Variants in GLRB observed in about 807,000 individuals in gnomAD.
GLRB encodes glycine receptor subunit beta.
GLRB carries 33 observed loss-of-function variants against 54.2 expected under a neutral mutation model. That is an observed-to-expected ratio of 0.61 (90% CI 0.46 to 0.81). The LOEUF (loss-of-function observed/expected upper bound fraction) is 0.81. Ranked by LOEUF, GLRB falls within the 40% of genes least tolerant of loss-of-function variation. The pLI is 0.00. For synonymous variants in GLRB, 209 were observed against 208.2 expected (o/e 1.00, Z -0.03); for missense variants, 572 against 584.6 (o/e 0.98, Z 0.22).
chr4:157,112,975 G>T (rs1735476050), intron 2 of GLRB, among the ~76,000 whole-genome samples: 1 of 151,854 alleles, frequency 6.6e-6, no homozygotes, highest in Non-Finnish European at 1.5e-5. Flanking sequence ...TTGGTTTAAA[G>T]GTGAGTATAC....
intron 7 of GLRB, among the ~76,000 whole-genome samples, chr4:157,140,560 C>A (rs1300256316): frequency 2.6e-5 from 4 of 151,816 alleles, no homozygotes; most frequent in African/African-American, 4.8e-5. Context: ...TAGTTCTTTG[C>A]AGGAATTATT....
chr4:157,097,562 T>C (rs1734858145), intron 2 of GLRB, among the ~76,000 whole-genome samples: 1 of 152,238 alleles, frequency 6.6e-6, no homozygotes, highest in Admixed American at 6.5e-5. Context: ...ATGGGCTATG[T>C]ATTAGGGCAC....
At chr4:157,151,118 G>A (rs1230412785) in intron 8 of GLRB, among the ~76,000 whole-genome samples, 1 of 151,956 alleles carries the variant, frequency 6.6e-6, no homozygotes, top group African/African-American at 2.4e-5. Flanking sequence ...ATACAGCTAA[G>A]CTTACTAAAA....
intron 2 of GLRB, among the ~76,000 whole-genome samples, chr4:157,096,244 T>C (rs1325835724): frequency 1.3e-5 from 2 of 152,230 alleles, no homozygotes; most frequent in Non-Finnish European, 2.9e-5. Flanking sequence ...GATATCATTT[T>C]TAAATCAAGC....
intron 2 of GLRB, among the ~76,000 whole-genome samples, chr4:157,100,926 C>A (rs1041144663): frequency 1.3e-5 from 2 of 152,098 alleles, no homozygotes; most frequent in Non-Finnish European, 2.9e-5. Context: ...TCCATGAGGT[C>A]AACTGTTTTT....
intron 9 of GLRB, 65 bp downstream of exon 9, chr4:157,153,075 A>G (rs188903901): frequency 4.5e-6 from 6 of 1,339,546 alleles, no homozygotes; most frequent in Non-Finnish European, 6.4e-6. Flanking sequence ...AGAGAGAGAC[A>G]CCTTTGTGTA....
chr4:157,144,064 C>G, intron 8 of GLRB, 105 bp downstream of exon 8: 1 of 1,192,614 alleles, frequency 8.4e-7, no homozygotes, highest in Admixed American at 1.7e-5. Context: ...GAATTGTTAG[C>G]CACCAATTTC....
intron 2 of GLRB, among the ~76,000 whole-genome samples, chr4:157,107,155 T>C (rs543309786): frequency 6.6e-6 from 1 of 151,932 alleles, no homozygotes; most frequent in East Asian, 2.0e-4. Flanking sequence ...CAACTGGGAG[T>C]CTGTCTTTTC....
intron 7 of GLRB, among the ~76,000 whole-genome samples, chr4:157,142,126 CT>C (rs1206172314): frequency 6.6e-6 from 1 of 152,012 alleles, no homozygotes; most frequent in African/African-American, 2.4e-5. Context: ...AGCAATTGTA[CT>C]TATGAAAGAT....
chr4:157,088,884 C>T (rs1033102418), intron 2 of GLRB, among the ~76,000 whole-genome samples: 3 of 152,110 alleles, frequency 2.0e-5, no homozygotes, highest in Non-Finnish European at 4.4e-5. Flanking sequence ...ATTTTATTAA[C>T]TGTGGTTTTC....
rs576181698 is a variant in GLRB, at chr4:157,116,411, A to G, written c.123-4145A>G. On this transcript the variant is annotated intron_variant, in intron 2 of 9. Transcript: ENST00000264428. Reference sequence around the variant, plus strand: ...ATTTCTTAAAATAAAACAAAATAGCATAGTCAAATGCATAAAACATTGGAC... The same window carrying G: ...ATTTCTTAAAATAAAACAAAATAGCGTAGTCAAATGCATAAAACATTGGAC... Among the ~76,000 whole-genome samples, 111 of 151,926 alleles carry G rather than the reference A, an allele frequency of 7.3e-4. 1 individual carries two copies. The highest frequency in any genetic ancestry group is 1.1e-3 in the Admixed American group (17 of 15,202).
In GLRB at chr4:157,170,838, G is replaced by A. The variant is rs1737896393; in HGVS notation, c.*110G>A. ...AATTTTCATAGCAACATTGCATTTT[G>A]GATGCCATTTGATTGTAATAAAACT... On this transcript the variant is annotated 3_prime_UTR_variant, in exon 10 of 10. Coordinates refer to ENST00000264428, the MANE Select transcript of GLRB (RefSeq NM_000824.5). 3.2e-6 allele frequency: 2 copies of A among 622,028 alleles called. No individual in the cohort carries two copies. Among genetic ancestry groups the A allele is most frequent in the South Asian group, 4.5e-5 (2 of 44,022 alleles). 38.5% of individuals were successfully genotyped at this position (622,028 alleles called of 1,614,324 possible).
At chr4:157,147,783 A>G (rs1736866846) in intron 8 of GLRB, among the ~76,000 whole-genome samples, 1 of 152,166 alleles carries the variant, frequency 6.6e-6, no homozygotes, top group Non-Finnish European at 1.5e-5. Context: ...AAACTCCTGT[A>G]GAAGGCCAGA....
chr4:157,084,480 C>G (rs1734335044), intron 2 of GLRB, among the ~76,000 whole-genome samples: 1 of 152,120 alleles, frequency 6.6e-6, no homozygotes, highest in African/African-American at 2.4e-5. Flanking sequence ...TCTAAATTAT[C>G]TTTCCTTCAA....
In GLRB at chr4:157,129,271, G is replaced by A. The variant is rs1337197792; in HGVS notation, c.297+6874G>A. On this transcript the variant is annotated intron_variant, in intron 4 of 9. Transcript: ENST00000264428. Reference sequence around the variant, plus strand: ...CCACTCATAAAAGAGGTCTGTTTCTGATGGGAATTTGTTTCTTGCAAGATA... The same window carrying A: ...CCACTCATAAAAGAGGTCTGTTTCTAATGGGAATTTGTTTCTTGCAAGATA... Among the ~76,000 whole-genome samples the A allele has an allele frequency of 4.6e-5, 7 of 151,594 alleles. No homozygotes were observed. The East Asian group carries it at 1.4e-3, about 29-fold the overall frequency.
At chr4:157,084,133 ATT>A (rs1279574231) in intron 2 of GLRB, among the ~76,000 whole-genome samples, 7 of 152,158 alleles carry the variant, frequency 4.6e-5, no homozygotes, top group Non-Finnish European at 7.4e-5. Flanking sequence ...AAAACTGAAT[ATT>A]GTTTGCCATT....
chr4:157,092,870 C>T (rs1401847134), intron 2 of GLRB, among the ~76,000 whole-genome samples: 1 of 152,164 alleles, frequency 6.6e-6, no homozygotes, highest in African/African-American at 2.4e-5. Flanking sequence ...TCAGAGTCCT[C>T]CTTGTTTATT....
At chr4:157,169,346 T>C (rs1374350697) in intron 9 of GLRB, among the ~76,000 whole-genome samples, 1 of 152,110 alleles carries the variant, frequency 6.6e-6, no homozygotes, top group African/African-American at 2.4e-5. Context: ...TGTGGACTTT[T>C]GTAATATGTA....
intron 9 of GLRB, among the ~76,000 whole-genome samples, chr4:157,155,144 T>G (rs532651946): frequency 9.2e-4 from 140 of 152,322 alleles, no homozygotes; most frequent in Middle Eastern, 6.8e-3. Context: ...TGTTTTTTGT[T>G]TTTGAGGCAG....
Sources: gnomAD v4.1 joint callset for allele counts (sites outside exome capture counted in the v4.1 genomes callset) on GRCh38, gnomAD v4.1.1 for gene constraint, MANE v1.5 for transcripts, NCBI Gene and HGNC (gene_info 2026-07-23, HGNC 2026-07-21) for gene names.